B3GLCT: variants seen among roughly 807,000 people sequenced by gnomAD.
The protein encoded by B3GLCT is beta 3-glucosyltransferase, also known as beta-1,3-glucosyltransferase.
A neutral mutation model predicts 63.4 loss-of-function variants in B3GLCT; 65 were observed. The observed-to-expected ratio is 1.03, with a 90% confidence interval of 0.84 to 1.26. The LOEUF is 1.26. Ranked by LOEUF, B3GLCT falls within the 50% of genes most tolerant of loss-of-function variation. The probability of loss-of-function intolerance (pLI) is 0.00; values close to 1 mark genes in which losing one functional copy is unlikely to be tolerated. For synonymous variants in B3GLCT, 233 were observed against 219.2 expected, an observed-to-expected ratio of 1.06 and a Z score of -0.55; for missense variants, 577 against 604.8, an observed-to-expected ratio of 0.95 and a Z score of 0.48.
chr13:31,238,892 AACGTGT>A (rs1241395647), intron 4 of B3GLCT, among the ~76,000 whole-genome samples: 1 of 152,240 alleles, frequency 6.6e-6, no homozygotes, highest in East Asian at 1.9e-4. Flanking sequence ...GAATGACGAT[AACGTGT>A]TTGAAGCTGT....
At chr13:31,238,559 C>T (rs746488563) in intron 4 of B3GLCT, among the ~76,000 whole-genome samples, 7 of 152,160 alleles carry the variant, frequency 4.6e-5, no homozygotes, top group Admixed American at 2.0e-4. Flanking sequence ...TAGTAGAATG[C>T]GTATTCTCGT....
At chr13:31,322,770 A>G (rs1039013373) in intron 13 of B3GLCT, among the ~76,000 whole-genome samples, 2 of 152,130 alleles carry the variant, frequency 1.3e-5, no homozygotes, top group African/African-American at 4.8e-5. Context: ...ATTTTACTAG[A>G]TGCTGACAAA....
At chr13:31,284,513 C>A in intron 10 of B3GLCT, 135 bp from the exon 11 acceptor site, 1 of 698,548 alleles carries the variant, frequency 1.4e-6, no homozygotes, top group Non-Finnish European at 2.6e-6. Context: ...GGGTTGGAAG[C>A]AAGCAACTCT....
In B3GLCT at chr13:31,200,171, C is replaced by G; in HGVS notation, c.70+17C>G. ...GCTCCCTGGGTAAGTAGCGGGCGGC[C>G]AGGCGCGCAAGGGCGAGGCGTGGGG... On this transcript the variant is annotated intron_variant, in intron 1 of 14. Coordinates refer to ENST00000343307, the MANE Select transcript of B3GLCT (RefSeq NM_194318.4). 1 of 1,296,702 alleles carries G rather than the reference C, an allele frequency of 7.7e-7. No individual in the cohort carries two copies. Among genetic ancestry groups the G allele is most frequent in the Middle Eastern group, 3.0e-4 (1 of 3,332 alleles). The allele number at this position is 1,296,702 out of a possible 1,614,324, so 80.3% of individuals were successfully genotyped here.
At position 31,219,571 on chromosome 13, in the gene B3GLCT, G is replaced by A. The variant is rs570478664; in HGVS notation, c.121-3381G>A. Among the ~76,000 whole-genome samples, 9 of 152,272 alleles carry A rather than the reference G, an allele frequency of 5.9e-5. No homozygotes were observed. The East Asian group carries it at 1.7e-3, about 29-fold the overall frequency. On this transcript the variant is annotated intron_variant, in intron 2 of 14. Transcript: ENST00000343307. Reference sequence around the variant, plus strand: ...TGGTCACGAGAACCAAAGTGTTGAAGTTCATCTCTTCTCCACCACTAGCCA... The same window carrying A: ...TGGTCACGAGAACCAAAGTGTTGAAATTCATCTCTTCTCCACCACTAGCCA...
At chr13:31,204,595 T>C (rs1043057613) in intron 1 of B3GLCT, among the ~76,000 whole-genome samples, 6 of 152,038 alleles carry the variant, frequency 3.9e-5, no homozygotes, top group African/African-American at 1.4e-4. Context: ...GCCTTGCAGA[T>C]CAGGGGACAT....
intron 10 of B3GLCT, 42 bp from the exon 11 acceptor site, chr13:31,284,606 G>T: frequency 9.2e-7 from 1 of 1,081,818 alleles, no homozygotes. Flanking sequence ...AAGCTTCCTT[G>T]TGTAACTGTG....
chr13:31,269,951 C>T (rs7332219), intron 8 of B3GLCT, among the ~76,000 whole-genome samples: 144,940 of 152,272 alleles, frequency 0.95, 69,274 homozygotes, highest in East Asian at 1. Context: ...TGGTATTTTA[C>T]TGTTGGAGCC....
intron 4 of B3GLCT, among the ~76,000 whole-genome samples, chr13:31,237,554 C>T (rs957094499): frequency 1.3e-5 from 2 of 152,048 alleles, no homozygotes; most frequent in African/African-American, 4.8e-5. Flanking sequence ...AGGGTTTCAC[C>T]ATGTTGGCCA....
At chr13:31,311,238 A>G (rs761290070) in intron 12 of B3GLCT, 1 of 152,272 alleles carries the variant, frequency 6.6e-6, no homozygotes, top group Non-Finnish European at 1.5e-5. Context: ...GTATTAGTCC[A>G]TTTTTACACA....
intron 12 of B3GLCT, among the ~76,000 whole-genome samples, chr13:31,305,146 A>T (rs1874361394): frequency 5.9e-5 from 1 of 16,992 alleles, no homozygotes; most frequent in Non-Finnish European, 1.0e-4. Flanking sequence ...CAAAGACACC[A>T]CATACCAGAA....
At chr13:31,208,405 C>T (rs971518200) in intron 1 of B3GLCT, among the ~76,000 whole-genome samples, 4 of 152,104 alleles carry the variant, frequency 2.6e-5, no homozygotes, top group Non-Finnish European at 2.9e-5. Context: ...GTGCTGCAGC[C>T]GCTATTGCAC....
intron 1 of B3GLCT, among the ~76,000 whole-genome samples, chr13:31,214,354 A>G (rs1747072220): frequency 6.6e-6 from 1 of 152,170 alleles, no homozygotes; most frequent in South Asian, 2.1e-4. Context: ...TTATATTTTC[A>G]GAGTGTTACT....
At chr13:31,206,999 A>G (rs1179902646) in intron 1 of B3GLCT, among the ~76,000 whole-genome samples, 2 of 152,174 alleles carry the variant, frequency 1.3e-5, no homozygotes, top group African/African-American at 4.8e-5. Flanking sequence ...GAGTTGTTAA[A>G]GCAAAGGTTT....
chr13:31,286,026 T>C (rs935205769), intron 11 of B3GLCT, among the ~76,000 whole-genome samples: 2 of 152,220 alleles, frequency 1.3e-5, no homozygotes, highest in Admixed American at 6.5e-5. Context: ...TATAAGTTAA[T>C]ATTTGTGCTC....
At chr13:31,287,779 A>G (rs1873418417) in intron 12 of B3GLCT, among the ~76,000 whole-genome samples, 2 of 152,212 alleles carry the variant, frequency 1.3e-5, no homozygotes, top group Non-Finnish European at 2.9e-5. Flanking sequence ...CATATGTTCA[A>G]AAAGACATGG....
intron 11 of B3GLCT, among the ~76,000 whole-genome samples, chr13:31,285,607 A>T (rs80160163): frequency 1.2e-5 from 1 of 85,198 alleles, no homozygotes; most frequent in Non-Finnish European, 2.5e-5. Context: ...TTATGAGTAA[A>T]AAAAAAAAAA....
intron 12 of B3GLCT, among the ~76,000 whole-genome samples, chr13:31,297,563 C>T (rs1237849036): frequency 6.6e-6 from 1 of 152,028 alleles, no homozygotes; most frequent in Admixed American, 6.6e-5. Context: ...TTCTCCTACC[C>T]ACCAAGCAAT....
chr13:31,276,148 C>G (rs912599), intron 9 of B3GLCT, among the ~76,000 whole-genome samples: 136,024 of 152,214 alleles, frequency 0.89, 61,141 homozygotes, highest in East Asian at 1. Context: ...CCAGGTGTTT[C>G]AAGGAATCCT....
Sources: gnomAD v4.1 joint callset for allele counts (sites outside exome capture counted in the v4.1 genomes callset) on GRCh38, gnomAD v4.1.1 for gene constraint, MANE v1.5 for transcripts, NCBI Gene and HGNC (gene_info 2026-07-23, HGNC 2026-07-21) for gene names.